The following MRAP2 variants were observed in gnomAD, a reference collection of about 807,000 sequenced individuals.
MRAP2 encodes melanocortin-2 receptor accessory protein 2.
MRAP2 carries 20 observed loss-of-function variants against 17.4 expected under a neutral mutation model. The ratio of observed to expected loss-of-function variants is 1.15; its 90% confidence interval spans 0.81 to 1.67. The LOEUF is 1.67. MRAP2 is among the 40% of genes most tolerant of loss of function. The pLI, the probability that MRAP2 is intolerant of heterozygous loss-of-function variation, is 0.00. For synonymous variants in MRAP2, 96 were observed against 88.4 expected (o/e 1.09, Z -0.48); for missense variants, 238 against 240.0 (o/e 0.99, Z 0.05).
chr6:84,140,875 C>G, the MRAP2 span, among the ~76,000 whole-genome samples: 1 of 152,054 alleles, frequency 6.6e-6, no homozygotes, highest in Non-Finnish European at 1.5e-5. Context: ...GCAGCAGTTC[C>G]CAGACTTTTT....
At chr6:84,080,012 A>G (rs1021840696) in intron 3 of MRAP2, among the ~76,000 whole-genome samples, 2 of 139,794 alleles carry the variant, frequency 1.4e-5, no homozygotes, top group African/African-American at 5.9e-5. Context: ...CCCCAGCTCT[A>G]TTGCCAGGGT....
intron 1 of MRAP2, among the ~76,000 whole-genome samples, chr6:84,035,082 ATATTAAC>A (rs2099485631): frequency 6.6e-6 from 1 of 152,174 alleles, no homozygotes; most frequent in African/African-American, 2.4e-5. Flanking sequence ...AGAATAGATA[ATATTAAC>A]AGGTGATAGG....
At chr6:84,033,947 G>A in intron 1 of MRAP2, 64 bp downstream of exon 1, 5 of 981,088 alleles carry the variant, frequency 5.1e-6, no homozygotes, top group Non-Finnish European at 6.1e-6. Flanking sequence ...TGCGGGGCGC[G>A]TGCAGCTTTG....
intron 1 of MRAP2, among the ~76,000 whole-genome samples, chr6:84,053,625 T>C (rs1358555460): frequency 6.6e-6 from 1 of 152,204 alleles, no homozygotes; most frequent in Non-Finnish European, 1.5e-5. Context: ...AAAGCGAGGC[T>C]TTTCTATTCA....
chr6:84,061,058 A>G (rs2099493049), intron 2 of MRAP2, among the ~76,000 whole-genome samples: 1 of 151,590 alleles, frequency 6.6e-6, no homozygotes, highest in Non-Finnish European at 1.5e-5. Context: ...TACAATTTCT[A>G]TTTCTTTGGC....
At chr6:84,068,766 T>C (rs921593828) in intron 3 of MRAP2, among the ~76,000 whole-genome samples, 20 of 150,812 alleles carry the variant, frequency 1.3e-4, no homozygotes, top group Admixed American at 1.3e-3. Context: ...ATCTAGTGTC[T>C]GGAAAGTTTG....
chr6:84,033,335 C>G (rs2129154091), upstream of MRAP2, among the ~76,000 whole-genome samples: 1 of 152,328 alleles, frequency 6.6e-6, no homozygotes, highest in Admixed American at 6.5e-5. Context: ...CCTTTGACAC[C>G]TGGACCAGTG....
the MRAP2 span, among the ~76,000 whole-genome samples, chr6:84,138,058 T>A: frequency 6.6e-6 from 1 of 152,338 alleles, no homozygotes; most frequent in South Asian, 2.1e-4. Context: ...TGAAAACTTA[T>A]AAATCATTGC....
the MRAP2 span, among the ~76,000 whole-genome samples, chr6:84,129,755 T>C: frequency 6.6e-6 from 1 of 152,276 alleles, no homozygotes; most frequent in Admixed American, 6.5e-5. Flanking sequence ...ATATTGATTT[T>C]GGACTGAGAT....
chr6:84,036,054 C>G (rs2129155431), intron 1 of MRAP2, among the ~76,000 whole-genome samples: 1 of 150,824 alleles, frequency 6.6e-6, no homozygotes, highest in Middle Eastern at 3.5e-3. Context: ...ATTTAAGGAA[C>G]TATTATTATA....
At chr6:84,064,058 GAAA>G (rs879476569) in intron 3 of MRAP2, among the ~76,000 whole-genome samples, 3 of 149,160 alleles carry the variant, frequency 2.0e-5, no homozygotes, top group Non-Finnish European at 4.4e-5. Context: ...AAAAGAAAAA[GAAA>G]AAAAGTTTTT....
intron 3 of MRAP2, among the ~76,000 whole-genome samples, chr6:84,074,620 C>T (rs2099497120): frequency 6.6e-6 from 1 of 152,152 alleles, no homozygotes; most frequent in South Asian, 2.1e-4. Context: ...ACCACCTGTG[C>T]CCTGACTCCC....
the MRAP2 span, among the ~76,000 whole-genome samples, chr6:84,096,244 AC>A: frequency 6.6e-6 from 1 of 152,154 alleles, no homozygotes; most frequent in Non-Finnish European, 1.5e-5. Flanking sequence ...TAGAATTGGG[AC>A]GTGAGGGACC....
At chr6:84,042,779 C>G (rs1366912325) in intron 1 of MRAP2, among the ~76,000 whole-genome samples, 1 of 152,174 alleles carries the variant, frequency 6.6e-6, no homozygotes, top group African/African-American at 2.4e-5. Context: ...ACCACAAGAG[C>G]CACACATCCT....
intron 3 of MRAP2, among the ~76,000 whole-genome samples, chr6:84,077,564 T>G (rs1246339332): frequency 6.6e-6 from 1 of 152,224 alleles, no homozygotes; most frequent in African/African-American, 2.4e-5. Context: ...TACTTAGGTC[T>G]TCTTCAATTT....
intron 3 of MRAP2, among the ~76,000 whole-genome samples, chr6:84,064,059 A>G (rs184592198): frequency 0.014 from 2,186 of 151,100 alleles, 59 homozygotes; most frequent in African/African-American, 0.05. Flanking sequence ...AAAGAAAAAG[A>G]AAAAAAGTTT....
chr6:84,115,296 C>G, the MRAP2 span, among the ~76,000 whole-genome samples: 1 of 152,224 alleles, frequency 6.6e-6, no homozygotes, highest in Non-Finnish European at 1.5e-5. Flanking sequence ...TCTAGAGAGG[C>G]AGTCTGGCCA....
chr6:84,041,214 AT>A (rs1226445508), intron 1 of MRAP2, among the ~76,000 whole-genome samples: 1 of 152,224 alleles, frequency 6.6e-6, no homozygotes, highest in East Asian at 1.9e-4. Context: ...GGCAGCTTCC[AT>A]TTGGTGTTGA....
At chr6:84,102,767 C>A in the MRAP2 span, among the ~76,000 whole-genome samples, 1 of 151,470 alleles carries the variant, frequency 6.6e-6, no homozygotes, top group African/African-American at 2.4e-5. Context: ...GTGAGGAGGA[C>A]CTCGGTGATT....
Sources: allele counts gnomAD v4.1 joint callset (sites outside exome capture counted in the v4.1 genomes callset), GRCh38; gene constraint gnomAD v4.1.1; transcripts MANE v1.5; gene names NCBI Gene and HGNC (gene_info 2026-07-23, HGNC 2026-07-21).